Variants in ZNF521 observed in about 807,000 individuals in gnomAD.
ZNF521 encodes zinc finger protein 521.
In ZNF521, 14 loss-of-function variants were observed where a neutral mutation model predicts 105.5. That is an observed-to-expected ratio of 0.13 (90% confidence interval 0.09 to 0.21). The LOEUF is 0.21. Ranked by LOEUF, ZNF521 falls within the 10% of genes least tolerant of loss-of-function variation. ZNF521 has a pLI of 1.00. For synonymous variants in ZNF521, 635 were observed against 606.0 expected (o/e 1.05, Z -0.70); for missense variants, 1,233 against 1,629.7 (o/e 0.76, Z 4.19).
At chr18:25,339,761 G>A (rs1914095522) in intron 2 of ZNF521, among the ~76,000 whole-genome samples, 1 of 152,236 alleles carries the variant, frequency 6.6e-6, no homozygotes. Context: ...AGGAAATGAA[G>A]TGCCACAACT....
intron 3 of ZNF521, among the ~76,000 whole-genome samples, chr18:25,240,901 G>A (rs879226145): frequency 2.5e-4 from 38 of 150,764 alleles, no homozygotes; most frequent in Non-Finnish European, 5.0e-4. Flanking sequence ...CAGCACTGGG[G>A]CGAGTTTTCT....
chr18:25,193,561 C>T lies in ZNF521; in HGVS notation c.3658+1599G>A, dbSNP rs115871932. ...ACAGTCTACTCAAGAAATAAAGAGA[C>T]GGGAAATATTAACATTTATCATTTG... On this transcript the variant is annotated intron_variant, in intron 5 of 7. Transcript: ENST00000361524. Among the ~76,000 whole-genome samples the T allele has an allele frequency of 4.8e-3, 732 of 151,978 alleles. 8 individuals carry two copies. Among genetic ancestry groups the T allele is most frequent in the African/African-American group, 0.016 (672 of 41,500 alleles).
In ZNF521 at chr18:25,117,686, A is replaced by G. The variant is rs562794498; in HGVS notation, c.3659-25605T>C. ...AACACCTTAATGAATATGATAAAGG[A>G]AAAAGTCAATGAATGTGAAAATAGA... On this transcript the variant is annotated intron_variant, in intron 5 of 7. Coordinates refer to ENST00000361524, the MANE Select transcript of ZNF521 (RefSeq NM_015461.3). Among the ~76,000 whole-genome samples the G allele has an allele frequency of 3.3e-5, 5 of 152,204 alleles. No individual in the cohort carries two copies. In the South Asian group the frequency reaches 1.0e-3, roughly 32 times the overall value.
chr18:25,273,192 G>A (rs1161611388), intron 3 of ZNF521, among the ~76,000 whole-genome samples: 1 of 112,522 alleles, frequency 8.9e-6, no homozygotes, highest in Non-Finnish European at 1.7e-5. Flanking sequence ...GCTCCTCTGT[G>A]CTCCCAAGAG....
chr18:25,100,399 A>T (rs2033943590), intron 5 of ZNF521, among the ~76,000 whole-genome samples: 1 of 152,124 alleles, frequency 6.6e-6, no homozygotes, highest in South Asian at 2.1e-4. Context: ...TTGATTACTT[A>T]TTGCAAAGAT....
At chr18:25,148,316 T>TA (rs1448608384) in intron 5 of ZNF521, among the ~76,000 whole-genome samples, 2 of 152,200 alleles carry the variant, frequency 1.3e-5, no homozygotes, top group Non-Finnish European at 2.9e-5. Context: ...TGAGTATAGA[T>TA]ACGAGGCTCA....
At chr18:25,319,553 G>A (rs534529155) in intron 3 of ZNF521, among the ~76,000 whole-genome samples, 342 of 150,260 alleles carry the variant, frequency 2.3e-3, no homozygotes, top group African/African-American at 7.9e-3. Context: ...CAGAGATCAC[G>A]CCACTGCACT....
intron 3 of ZNF521, among the ~76,000 whole-genome samples, chr18:25,241,061 G>A (rs1244814703): frequency 6.6e-6 from 1 of 151,374 alleles, no homozygotes; most frequent in South Asian, 2.1e-4. Context: ...TCTCATCTGT[G>A]TGTTTTATAC....
intron 3 of ZNF521, among the ~76,000 whole-genome samples, chr18:25,313,146 A>T (rs540697879): frequency 6.6e-6 from 1 of 152,322 alleles, no homozygotes; most frequent in Admixed American, 6.5e-5. Context: ...CCTTCCTGAG[A>T]GCAAGGAGAT....
intron 3 of ZNF521, among the ~76,000 whole-genome samples, chr18:25,296,793 C>G (rs1396102449): frequency 6.6e-6 from 1 of 152,084 alleles, no homozygotes; most frequent in Non-Finnish European, 1.5e-5. Flanking sequence ...TTTATATTCT[C>G]TAGGATGTAT....
chr18:25,308,833 C>A (rs1362128207), intron 3 of ZNF521, among the ~76,000 whole-genome samples: 5 of 152,032 alleles, frequency 3.3e-5, no homozygotes, highest in Admixed American at 3.3e-4. Context: ...CTATTCATTT[C>A]ATTACTTGTG....
intron 2 of ZNF521, chr18:25,327,803 C>T (rs1209266812): frequency 2.2e-5 from 9 of 412,482 alleles, no homozygotes; most frequent in South Asian, 3.6e-5. Flanking sequence ...CCGTCTGTCC[C>T]GCACTCGCCT....
At chr18:25,189,234 G>T (rs1178455546) in intron 5 of ZNF521, among the ~76,000 whole-genome samples, 4 of 152,076 alleles carry the variant, frequency 2.6e-5, no homozygotes, top group Non-Finnish European at 5.9e-5. Flanking sequence ...GCCTTGGTAC[G>T]TTCCTGTGGC....
intron 7 of ZNF521, among the ~76,000 whole-genome samples, chr18:25,077,059 T>C (rs2033378588): frequency 6.6e-6 from 1 of 152,234 alleles, no homozygotes; most frequent in Non-Finnish European, 1.5e-5. Context: ...AGTGTATTGT[T>C]GTGGCCCTCA....
chr18:25,089,322 T>C, intron 7 of ZNF521, 143 bp downstream of exon 7: 1 of 639,722 alleles, frequency 1.6e-6, no homozygotes, highest in South Asian at 2.1e-5. Flanking sequence ...ATCCAGGCTC[T>C]AATTTTCCCT....
In ZNF521 at chr18:25,224,459, G is replaced by T. The variant is rs768643281; in HGVS notation, c.3459C>A (p.Leu1153=). ...GGTGGATGGTTTGGATGTGGTTCTGGAGTTCACTTTCAGACTCAAACTTAA... is the reference window on the plus strand; with the variant it reads ...GGTGGATGGTTTGGATGTGGTTCTGTAGTTCACTTTCAGACTCAAACTTAA... The part of the protein sequence containing the change: ...CNVKFESESE[L]QNHIQTIHRE... The change falls in exon 4 of 8, where the codon CTC becomes CTA. Residue 1153 remains leucine (L), a synonymous_variant. Coordinates refer to ENST00000361524, the MANE Select transcript of ZNF521 (RefSeq NM_015461.3). 1 of 1,614,052 alleles carries T rather than the reference G, an allele frequency of 6.2e-7. No homozygotes were observed. Among genetic ancestry groups the T allele is most frequent in the Non-Finnish European group, 8.5e-7 (1 of 1,179,984 alleles).
chr18:25,250,152 G>A (rs1052258180), intron 3 of ZNF521, among the ~76,000 whole-genome samples: 1 of 152,112 alleles, frequency 6.6e-6, no homozygotes, highest in Admixed American at 6.5e-5. Context: ...TATTAGCCAG[G>A]ATGGTCTCGA....
At chr18:25,327,795 G>A (rs1344568285) in intron 2 of ZNF521, 11 of 450,832 alleles carry the variant, frequency 2.4e-5, no homozygotes, top group Non-Finnish European at 2.7e-5. Context: ...CTGTGCAGCC[G>A]TCTGTCCCGC....
At position 25,089,558 on chromosome 18, in the gene ZNF521, C is replaced by A. The variant is rs1242569078; in HGVS notation, c.3813G>T (p.Leu1271Phe). ...CFTVFVQANK[L>F]QQHIFSAHGQ... The stretch of plus-strand genomic sequence containing the variant: ...CATGGGCAGAGAAAATATGCTGCTG[C>A]AACTTGTTTGCTTGAACAAATACTG... The change falls in exon 7 of 8, where the codon TTG becomes TTT. Residue 1271 changes from leucine (L) to phenylalanine (F), a missense_variant. This residue lies in a region of ZNF521 where 76 missense variants were observed against 137.2 expected (regional missense o/e 0.55). Transcript: ENST00000361524. 6 of 1,614,020 alleles carry A rather than the reference C, an allele frequency of 3.7e-6. No individual in the cohort carries two copies. The highest frequency in any genetic ancestry group is 5.1e-6 in the Non-Finnish European group (6 of 1,179,898).
Sources: gnomAD v4.1 joint callset for allele counts (sites outside exome capture counted in the v4.1 genomes callset) on GRCh38, gnomAD v4.1.1 for gene constraint, gnomAD v4.1.1 regional missense constraint, MANE v1.5 for transcripts, NCBI Gene and HGNC (gene_info 2026-07-23, HGNC 2026-07-21) for gene names.